Variants in SPATA13 observed in about 807,000 individuals in gnomAD.
SPATA13 encodes the protein spermatogenesis-associated protein 13.
In SPATA13, 50 loss-of-function variants were observed where a neutral mutation model predicts 104.0. That is an observed-to-expected ratio of 0.48 (90% CI 0.38 to 0.61). The LOEUF (loss-of-function observed/expected upper bound fraction) is 0.61, where lower values mean the gene tolerates loss of function less well. Ranked by LOEUF, SPATA13 falls within the 20% of genes least tolerant of loss-of-function variation. The pLI, the probability that SPATA13 is intolerant of heterozygous loss-of-function variation, is 0.00. For synonymous variants in SPATA13, 606 were observed against 667.5 expected, an observed-to-expected ratio of 0.91 and a Z score of 1.42; for missense variants, 1,524 against 1,690.6, an observed-to-expected ratio of 0.90 and a Z score of 1.73.
At chr13:24,143,553 C>T (rs1881831945) in intron 3 of SPATA13, among the ~76,000 whole-genome samples, 1 of 152,162 alleles carries the variant, frequency 6.6e-6, no homozygotes, top group South Asian at 2.1e-4. Context: ...AATGTGTTTT[C>T]TAACTTAAAA....
chr13:24,077,429 A>C (rs1879369643), intron 3 of SPATA13, among the ~76,000 whole-genome samples: 2 of 152,140 alleles, frequency 1.3e-5, no homozygotes, highest in Non-Finnish European at 2.9e-5. Flanking sequence ...GATATAGTAC[A>C]CACGGACATA....
intron 9 of SPATA13, among the ~76,000 whole-genome samples, chr13:24,291,748 A>ATTTTTTTT (rs201686636): frequency 8.3e-5 from 1 of 12,060 alleles, no homozygotes; most frequent in African/African-American, 1.6e-4. Flanking sequence ...TTATTTTTTT[A>ATTTTTTTT]TTTTTTTATT....
At chr13:24,091,174 G>A (rs1182835937) in intron 3 of SPATA13, among the ~76,000 whole-genome samples, 2 of 152,194 alleles carry the variant, frequency 1.3e-5, no homozygotes, top group Non-Finnish European at 2.9e-5. Context: ...GCCTTACCCT[G>A]ACCTCTCTGC....
At chr13:24,027,140 T>G (rs1417632677) in intron 3 of SPATA13, among the ~76,000 whole-genome samples, 1 of 144,942 alleles carries the variant, frequency 6.9e-6, no homozygotes, top group Non-Finnish European at 1.5e-5. Flanking sequence ...AGCCGTTTTT[T>G]TTTTTTTTTT....
At chr13:24,042,615 T>C (rs1023160874) in intron 3 of SPATA13, among the ~76,000 whole-genome samples, 2 of 152,202 alleles carry the variant, frequency 1.3e-5, no homozygotes, top group Non-Finnish European at 2.9e-5. Context: ...TCATGGGCGG[T>C]CAGCTGGTGT....
intron 1 of SPATA13, among the ~76,000 whole-genome samples, chr13:24,178,159 G>A (rs1868549591): frequency 1.3e-5 from 2 of 152,086 alleles, no homozygotes; most frequent in Admixed American, 1.3e-4. Context: ...CGGCTTGATT[G>A]TTTTTTAAAC....
At chr13:24,122,942 A>G in intron 3 of SPATA13, 1 of 781,324 alleles carries the variant, frequency 1.3e-6, no homozygotes, top group Non-Finnish European at 2.4e-6. Flanking sequence ...CAGCTACACT[A>G]AGAAGCGTGT....
intron 3 of SPATA13, chr13:24,122,456 C>T (rs2137825822): frequency 6.2e-7 from 1 of 1,606,348 alleles, no homozygotes; most frequent in Non-Finnish European, 8.5e-7. Flanking sequence ...CCATCTTCAC[C>T]AGCCTGCTTA....
chr13:23,982,166 A>T (rs1003921171), intron 1 of SPATA13, among the ~76,000 whole-genome samples: 5 of 152,146 alleles, frequency 3.3e-5, no homozygotes, highest in African/African-American at 1.2e-4. Flanking sequence ...TTAACTTTTT[A>T]AATTTTTTGT....
intron 1 of SPATA13, among the ~76,000 whole-genome samples, chr13:24,210,322 T>C (rs1870942441): frequency 6.6e-6 from 1 of 152,180 alleles, no homozygotes; most frequent in Non-Finnish European, 1.5e-5. Context: ...ACGCTTTTAG[T>C]GTTATATCCA....
intron 3 of SPATA13, among the ~76,000 whole-genome samples, chr13:24,121,884 C>T (rs1037471100): frequency 5.9e-5 from 9 of 152,068 alleles, no homozygotes; most frequent in African/African-American, 1.2e-4. Flanking sequence ...CCCAAAATCC[C>T]GCTGGTTTCT....
chr13:24,231,237 G>C (rs1872255282), intron 2 of SPATA13, among the ~76,000 whole-genome samples: 1 of 152,200 alleles, frequency 6.6e-6, no homozygotes, highest in African/African-American at 2.4e-5. Context: ...CACCACCCCA[G>C]AAAGAAGCCT....
In SPATA13 at chr13:24,223,418, C is replaced by G. The variant is rs1418962936; in HGVS notation, c.489C>G (p.Pro163=). The G allele has an allele frequency of 1.3e-5, 20 of 1,551,198 alleles. No individual in the cohort carries two copies. The highest frequency in any genetic ancestry group is 1.7e-5 in the Non-Finnish European group (19 of 1,147,000). The change falls in exon 2 of 13, where the codon CCC becomes CCG. Residue 163 remains proline, a synonymous_variant. Transcript: ENST00000382108. The stretch of plus-strand genomic sequence containing the variant: ...GAGCCCAGGCAAGCAGGGGCTCCCC[C>G]TTAGCACCGGGACCAGCATGTGGTG... The part of the protein sequence containing the change: ...VPGAQASRGS[P]LAPGPACGAL...
chr13:24,252,617 C>T (rs1873558528), intron 4 of SPATA13: 1 of 152,202 alleles, frequency 6.6e-6, no homozygotes, highest in Non-Finnish European at 1.5e-5. Flanking sequence ...ACTTCTCCTC[C>T]CACCCCGTAC....
intron 4 of SPATA13, among the ~76,000 whole-genome samples, chr13:24,268,212 T>C (rs1004120954): frequency 6.6e-5 from 10 of 152,212 alleles, no homozygotes; most frequent in African/African-American, 2.4e-4. Flanking sequence ...CTGTAGGATA[T>C]CCAAAAGGTA....
intron 3 of SPATA13, among the ~76,000 whole-genome samples, chr13:24,141,236 T>C (rs1593356482): frequency 6.6e-6 from 1 of 151,156 alleles, no homozygotes; most frequent in East Asian, 2.0e-4. Flanking sequence ...ATTCCAACAG[T>C]TTAGGAGGTC....
chr13:23,988,614 T>C (rs1280054333), intron 2 of SPATA13, among the ~76,000 whole-genome samples: 1 of 152,242 alleles, frequency 6.6e-6, no homozygotes, highest in Non-Finnish European at 1.5e-5. Context: ...AATTCATGTG[T>C]CCTTTATAAA....
intron 1 of SPATA13, among the ~76,000 whole-genome samples, chr13:24,204,458 G>A (rs1176686568): frequency 2.0e-5 from 3 of 151,914 alleles, no homozygotes; most frequent in Admixed American, 1.3e-4. Flanking sequence ...CATTGATGAC[G>A]ACTTTAACCA....
intron 1 of SPATA13, among the ~76,000 whole-genome samples, chr13:24,217,661 A>G (rs1871332164): frequency 6.6e-6 from 1 of 152,212 alleles, no homozygotes; most frequent in Non-Finnish European, 1.5e-5. Context: ...TTATTTTTAT[A>G]CAGCTGAGAA....
Sources: allele counts gnomAD v4.1 joint callset (sites outside exome capture counted in the v4.1 genomes callset), GRCh38; gene constraint gnomAD v4.1.1; transcripts MANE v1.5; gene names NCBI Gene and HGNC (gene_info 2026-07-23, HGNC 2026-07-21).